The following BANP variants were observed in gnomAD, a reference collection of about 807,000 sequenced individuals.
BANP encodes protein BANP.
A neutral mutation model predicts 68.1 loss-of-function variants in BANP; 11 were observed. The observed-to-expected ratio is 0.16, with a 90% CI of 0.10 to 0.27. BANP has a LOEUF of 0.27. Ranked by LOEUF, BANP falls within the 10% of genes least tolerant of loss-of-function variation. The pLI is 1.00. For missense variants in BANP, 504 were observed against 722.7 expected (o/e 0.70, Z 3.47); for synonymous variants, 329 against 303.2 (o/e 1.09, Z -0.88).
In BANP at chr16:88,035,321, G is replaced by A. The variant is rs368353942; in HGVS notation, c.1201-2G>A. 20 of 1,607,850 alleles carry A rather than the reference G, an allele frequency of 1.2e-5. No homozygotes were observed. The highest frequency in any genetic ancestry group is 1.5e-5 in the Non-Finnish European group (18 of 1,177,570). ...GCTTCTTGGTGTCTTTTCTTGCTGC[G>A]GATCCCACAGGGACACCTCCACATC... On this transcript the variant is annotated splice_acceptor_variant, in intron 9 of 13. Coordinates refer to ENST00000682872, the MANE Select transcript of BANP (RefSeq NM_001386991.1). LOFTEE classifies it high-confidence loss of function.
chr16:88,025,369 G>T (rs1444078767), intron 7 of BANP, among the ~76,000 whole-genome samples: 1 of 152,218 alleles, frequency 6.6e-6, no homozygotes, highest in South Asian at 2.1e-4. Flanking sequence ...AAGTTGCTCA[G>T]CCTGGGGCTT....
Position 87,984,115 on chromosome 16 carries a change from C to T in BANP, c.218C>T (p.Ala73Val). 2 of 1,613,730 alleles carry T rather than the reference C, an allele frequency of 1.2e-6. No individual in the cohort carries two copies. Among genetic ancestry groups the T allele is most frequent in the Non-Finnish European group, 1.7e-6 (2 of 1,179,792 alleles). ...TICLRLDSIEAKLQALEATCK... is the reference protein window; with the variant it reads ...TICLRLDSIEVKLQALEATCK... ...TGCTTGCGGTTGGATAGCATTGAAG[C>T]CAAATTGCAAGCCCTGGAGGCTACT... The change falls in exon 4 of 14, where the codon GCC (alanine) becomes GTC (valine). Residue 73 changes from alanine (A) to valine (V), a missense_variant. Coordinates refer to ENST00000682872, the MANE Select transcript of BANP (RefSeq NM_001386991.1).
chr16:87,980,966 A>C (rs1202921713), intron 2 of BANP, 70 bp from the exon 3 acceptor site: 4 of 1,069,950 alleles, frequency 3.7e-6, no homozygotes, highest in East Asian at 2.5e-5. Context: ...ACTGTTTACT[A>C]TCTTAATGTT....
At chr16:87,953,145 T>G (rs2057324763) in intron 1 of BANP, among the ~76,000 whole-genome samples, 6 of 152,076 alleles carry the variant, frequency 3.9e-5, no homozygotes, top group Admixed American at 3.9e-4. Context: ...CTTGCTCAGA[T>G]TTACAGAGCC....
At chr16:87,992,614 C>T (rs1432305334) in intron 4 of BANP, among the ~76,000 whole-genome samples, 1 of 151,796 alleles carries the variant, frequency 6.6e-6, no homozygotes, top group Non-Finnish European at 1.5e-5. Context: ...GCTAACGAGG[C>T]GAAACCCCGT....
At chr16:87,973,090 G>C (rs1353691133) in intron 1 of BANP, among the ~76,000 whole-genome samples, 1 of 152,036 alleles carries the variant, frequency 6.6e-6, no homozygotes, top group Non-Finnish European at 1.5e-5. Context: ...TGTCGGTGTT[G>C]ACTTGGATTT....
chr16:87,974,574 T>A (rs1309107348), intron 1 of BANP, among the ~76,000 whole-genome samples: 1 of 151,976 alleles, frequency 6.6e-6, no homozygotes, highest in Non-Finnish European at 1.5e-5. Context: ...TGGGAGAAAC[T>A]TGGGAGGAGA....
intron 4 of BANP, among the ~76,000 whole-genome samples, chr16:87,992,072 A>C (rs950063693): frequency 6.6e-6 from 1 of 152,210 alleles, no homozygotes; most frequent in African/African-American, 2.4e-5. Flanking sequence ...CTCATGAATG[A>C]ATGGACATTG....
rs149029966 is a variant in BANP, at chr16:88,072,137, G to T, written c.1446G>T (p.Ser482=). Residue 482 remains serine, a synonymous_variant, in exon 13 of 14, where the codon TCG becomes TCT. Transcript: ENST00000682872. ...SDPAAAGVDG[S]PLQGSDIQVQ... is the part of the protein sequence containing the mutation. ...CCGCGGCGGCGGGCGTGGATGGGTC[G>T]CCACTCCAGGGCAGCGACATCCAGG... The T allele has an allele frequency of 1.8e-5, 29 of 1,610,316 alleles. No individual in the cohort carries two copies. The highest frequency in any genetic ancestry group is 2.4e-5 in the Non-Finnish European group (28 of 1,179,278).
chr16:88,070,531 C>T (rs572137801), intron 12 of BANP, among the ~76,000 whole-genome samples: 1 of 152,146 alleles, frequency 6.6e-6, no homozygotes, highest in Non-Finnish European at 1.5e-5. Context: ...GGCTGGTCCC[C>T]GAGGCTGGTG....
rs1567943229 is a variant in BANP at position 88,071,418 on chromosome 16, G to A, written c.1378-651G>A. ...ATGGGGTCACCAGAGCCCACCCAGG[G>A]GCCTCGCCTGTCCCCCATTCTCATT... On this transcript the variant is annotated intron_variant, in intron 12 of 13. Coordinates refer to ENST00000682872, the MANE Select transcript of BANP (RefSeq NM_001386991.1). This position sits in a 1 kb window ranked among gnomAD's most constrained non-coding sequence, Gnocchi z 6.5. 2 of 454,364 alleles carry A rather than the reference G, an allele frequency of 4.4e-6. No individual in the cohort carries two copies. Among genetic ancestry groups the A allele is most frequent in the South Asian group, 1.6e-5 (1 of 64,272 alleles). 28.1% of individuals were successfully genotyped at this position (454,364 alleles called of 1,614,324 possible).
intron 4 of BANP, among the ~76,000 whole-genome samples, chr16:88,001,442 T>A (rs1025573467): frequency 1.3e-5 from 2 of 152,260 alleles, no homozygotes; most frequent in African/African-American, 4.8e-5. Flanking sequence ...TTTTTGTCAC[T>A]TAGTATTGTT....
intron 12 of BANP, among the ~76,000 whole-genome samples, chr16:88,070,139 TACAC>T (rs1252594107): frequency 1.3e-5 from 2 of 152,230 alleles, no homozygotes; most frequent in Non-Finnish European, 2.9e-5. Flanking sequence ...CAGGTGATGG[TACAC>T]ACAGCACACA....
intron 1 of BANP, among the ~76,000 whole-genome samples, chr16:87,955,309 C>T (rs145960138): frequency 2.1e-4 from 32 of 152,336 alleles, no homozygotes; most frequent in African/African-American, 7.5e-4. Flanking sequence ...GTGAGAAACG[C>T]ACACTTTCAG....
upstream of BANP, among the ~76,000 whole-genome samples, chr16:87,949,941 C>A (rs566068245): frequency 1.3e-5 from 2 of 151,156 alleles, no homozygotes; most frequent in South Asian, 2.1e-4. Context: ...CCAGTGGCGC[C>A]ATCTCGGCTC....
chr16:88,049,393 C>T (rs2082735158), intron 11 of BANP, among the ~76,000 whole-genome samples: 1 of 152,184 alleles, frequency 6.6e-6, no homozygotes, highest in South Asian at 2.1e-4. Context: ...AGCTTCCAGG[C>T]CTTCCCTGGG....
chr16:88,053,878 A>G (rs374252178), intron 11 of BANP, among the ~76,000 whole-genome samples: 11 of 115,692 alleles, frequency 9.5e-5, no homozygotes, highest in East Asian at 8.6e-4. Flanking sequence ...TATCATCACC[A>G]TCACCAACAC....
intron 11 of BANP, among the ~76,000 whole-genome samples, chr16:88,041,676 C>T (rs1223922230): frequency 1.1e-5 from 1 of 90,196 alleles, no homozygotes; most frequent in Non-Finnish European, 2.2e-5. Flanking sequence ...CTGTAGCCCA[C>T]GACACCCGCA....
intron 11 of BANP, among the ~76,000 whole-genome samples, chr16:88,053,577 C>T (rs2083952775): frequency 2.2e-5 from 1 of 44,768 alleles, no homozygotes; most frequent in African/African-American, 4.4e-5. Flanking sequence ...TCATCTCCAT[C>T]ATCATCATCA....
Sources: gnomAD v4.1 joint callset for allele counts (sites outside exome capture counted in the v4.1 genomes callset) on GRCh38, gnomAD v4.1.1 for gene constraint, Gnocchi (gnomAD v3.1) non-coding constraint, MANE v1.5 for transcripts, NCBI Gene and HGNC (gene_info 2026-07-23, HGNC 2026-07-21) for gene names.